The following TENM3 variants were observed in gnomAD, a reference collection of about 807,000 sequenced individuals.
The protein encoded by TENM3 is teneurin transmembrane protein 3, also known as teneurin-3.
Under a neutral mutation model 255.1 loss-of-function variants are expected in TENM3, and 63 were observed. The observed-to-expected ratio is 0.25, with a 90% CI of 0.20 to 0.30. The LOEUF (loss-of-function observed/expected upper bound fraction) is 0.30. Ranked by LOEUF, TENM3 falls within the 10% of genes least tolerant of loss-of-function variation. TENM3 has a pLI of 1.00. For synonymous variants in TENM3, 1,306 were observed against 1,322.3 expected, an observed-to-expected ratio of 0.99 and a Z score of 0.27; for missense variants, 2,929 against 3,461.1, an observed-to-expected ratio of 0.85 and a Z score of 3.86.
At chr4:182,241,197 G>A (rs1005755657), upstream of TENM3, among the ~76,000 whole-genome samples, 6 of 152,166 alleles carry the variant, frequency 3.9e-5, no homozygotes, top group African/African-American at 1.4e-4. Context: ...GCTTCCCAGA[G>A]CTCAGCTTCT....
rs58538968 is a variant in TENM3, at chr4:182,374,034, G to GTA, written c.511+27119_511+27120dup. 2.2e-3 allele frequency among the ~76,000 whole-genome samples: 338 copies of GTA among 150,410 alleles called. 2 individuals are homozygous for GTA. Among genetic ancestry groups the GTA allele is most frequent in the Middle Eastern group, 7.0e-3 (2 of 286 alleles). ...AAAACAAGACCTACCAGTGTGTATA[G>GTA]TATATATATATATATGTATATTTAG... On this transcript the variant is annotated intron_variant, in intron 3 of 27. Transcript: ENST00000511685.
At position 182,789,632 on chromosome 4, in the gene TENM3, A is replaced by T. The variant is rs1765947950; in HGVS notation, c.5601+243A>T. Among the ~76,000 whole-genome samples, 1 of 152,266 alleles carries T rather than the reference A, an allele frequency of 6.6e-6. No homozygotes were observed. Among genetic ancestry groups the T allele is most frequent in the Non-Finnish European group, 1.5e-5 (1 of 68,048 alleles). On this transcript the variant is annotated intron_variant, in intron 25 of 27. Transcript: ENST00000511685. The surrounding 1 kb of genome is among the most constrained non-coding windows in gnomAD (Gnocchi z 4.4). ...TAAGTGATTTATGATGTAAACAAAT[A>T]AGCATTAACGTTGTCCACCTGCCAA...
chr4:182,088,309 A>G, the TENM3 span, among the ~76,000 whole-genome samples: 1 of 152,130 alleles, frequency 6.6e-6, no homozygotes, highest in Non-Finnish European at 1.5e-5. Flanking sequence ...GCTGGAAGGG[A>G]GCATGTAGGT....
intron 6 of TENM3, among the ~76,000 whole-genome samples, chr4:182,662,124 T>A (rs536800787): frequency 1.3e-5 from 2 of 152,336 alleles, no homozygotes; most frequent in East Asian, 3.9e-4. Context: ...GAAAAGGCAT[T>A]ATCTGAAAAG....
the TENM3 span, among the ~76,000 whole-genome samples, chr4:182,132,711 C>A: frequency 6.6e-6 from 1 of 152,114 alleles, no homozygotes; most frequent in Non-Finnish European, 1.5e-5. Context: ...AGAGGCATTG[C>A]TCTTTCATTA....
intron 5 of TENM3, among the ~76,000 whole-genome samples, chr4:182,641,212 A>C (rs547200711): frequency 2.0e-5 from 3 of 152,340 alleles, no homozygotes; most frequent in Admixed American, 1.3e-4. Flanking sequence ...AAACACACAC[A>C]CGTATACACA....
At chr4:182,195,258 C>G (rs562872090) in intron 1 of TENM3, among the ~76,000 whole-genome samples, 16 of 152,194 alleles carry the variant, frequency 1.1e-4, no homozygotes, top group Admixed American at 2.0e-4. Flanking sequence ...TCCACACGAC[C>G]CTGTATGTCT....
chr4:182,659,126 G>A (rs976848794), intron 6 of TENM3, among the ~76,000 whole-genome samples: 16 of 152,154 alleles, frequency 1.1e-4, no homozygotes, highest in Admixed American at 4.6e-4. Flanking sequence ...TTGCACAAGG[G>A]CACGTGGGAT....
At chr4:182,796,222 C>T (rs559097591) in intron 26 of TENM3, among the ~76,000 whole-genome samples, 2 of 152,232 alleles carry the variant, frequency 1.3e-5, no homozygotes, top group African/African-American at 2.4e-5. Flanking sequence ...CTTGGGCAAT[C>T]GCTTTGGAGA....
intron 3 of TENM3, among the ~76,000 whole-genome samples, chr4:182,386,526 G>C (rs1235655435): frequency 6.6e-6 from 1 of 152,202 alleles, no homozygotes; most frequent in Non-Finnish European, 1.5e-5. Context: ...ACCAAGGCTG[G>C]AGCCCGCTCC....
chr4:181,465,107 A>G, the TENM3 span, among the ~76,000 whole-genome samples: 2,068 of 152,266 alleles, frequency 0.014, 47 homozygotes, highest in African/African-American at 0.048. Flanking sequence ...ATTTGTGACT[A>G]TAATTCACTT....
At chr4:182,104,366 A>G in the TENM3 span, among the ~76,000 whole-genome samples, 1 of 151,980 alleles carries the variant, frequency 6.6e-6, no homozygotes, top group South Asian at 2.1e-4. Context: ...TCCCATCTCC[A>G]TATCTTGTAG....
chr4:182,699,148 C>T (rs765343727), intron 12 of TENM3, among the ~76,000 whole-genome samples: 3 of 152,218 alleles, frequency 2.0e-5, no homozygotes, highest in Admixed American at 2.0e-4. Flanking sequence ...CTCCTGTGGT[C>T]TAACTTGAGT....
intron 4 of TENM3, among the ~76,000 whole-genome samples, chr4:182,612,042 C>T (rs773547958): frequency 6.6e-6 from 1 of 151,842 alleles, no homozygotes; most frequent in Non-Finnish European, 1.5e-5. Flanking sequence ...TCAAGGTGGG[C>T]AGATCACCTG....
At chr4:181,449,111 A>G in the TENM3 span, among the ~76,000 whole-genome samples, 1 of 152,246 alleles carries the variant, frequency 6.6e-6, no homozygotes, top group Non-Finnish European at 1.5e-5. Context: ...ACATATAGCT[A>G]GAATTTTACA....
At chr4:182,046,212 G>C in the TENM3 span, among the ~76,000 whole-genome samples, 161 of 152,244 alleles carry the variant, frequency 1.1e-3, no homozygotes, top group African/African-American at 3.6e-3. Context: ...CATGAAGATA[G>C]CATGGGCCTT....
chr4:182,576,423 A>G (rs891774785), intron 3 of TENM3, among the ~76,000 whole-genome samples: 3 of 152,246 alleles, frequency 2.0e-5, no homozygotes, highest in Non-Finnish European at 2.9e-5. Context: ...TAAATTTTCC[A>G]GTAACTATAA....
At chr4:182,203,651 A>T (rs1356470551) in intron 1 of TENM3, among the ~76,000 whole-genome samples, 1 of 151,996 alleles carries the variant, frequency 6.6e-6, no homozygotes, top group Non-Finnish European at 1.5e-5. Context: ...CCTCTTTCCC[A>T]ACGCCTCTCC....
In TENM3 at chr4:182,730,751, A is replaced by T. The variant is rs1228758411; in HGVS notation, c.2706-127A>T. 4 of 1,038,490 alleles carry T rather than the reference A, an allele frequency of 3.9e-6. No homozygotes were observed. In the African/African-American group the frequency reaches 6.5e-5, roughly 17 times the overall value. The allele number at this position is 1,038,490 out of a possible 1,614,324, so 64.3% of individuals were successfully genotyped here. On this transcript the variant is annotated intron_variant, in intron 15 of 27. Coordinates refer to ENST00000511685, the MANE Select transcript of TENM3 (RefSeq NM_001080477.4). The stretch of plus-strand genomic sequence containing the variant: ...CTTGGAATATTCCCATAGATCTGAA[A>T]ATATTTCATATAAAAGTTGGGAGAA...
Sources: allele counts gnomAD v4.1 joint callset (sites outside exome capture counted in the v4.1 genomes callset), GRCh38; gene constraint gnomAD v4.1.1; non-coding constraint Gnocchi (gnomAD v3.1); transcripts MANE v1.5; gene names NCBI Gene and HGNC (gene_info 2026-07-23, HGNC 2026-07-21).